PDE4D: variants seen among roughly 807,000 people sequenced by gnomAD.
PDE4D encodes the protein phosphodiesterase 4D, also known as 3',5'-cyclic-AMP phosphodiesterase 4D.
Under a neutral mutation model 87.4 loss-of-function variants are expected in PDE4D, and 24 were observed. The ratio of observed to expected loss-of-function variants is 0.27; its 90% CI spans 0.20 to 0.39. PDE4D has a LOEUF of 0.39. Ranked by LOEUF, PDE4D falls within the 10% of genes least tolerant of loss-of-function variation. The probability of loss-of-function intolerance (pLI) is 1.00; values close to 1 mark genes in which losing one functional copy is unlikely to be tolerated. For missense variants in PDE4D, 714 were observed against 1,041.0 expected (o/e 0.69, Z 4.32); for synonymous variants, 384 against 383.2 (o/e 1.00, Z -0.02).
intron 1 of PDE4D, among the ~76,000 whole-genome samples, chr5:59,574,071 TTTA>T (rs1179776213): frequency 0.014 from 239 of 17,560 alleles, 1 homozygote; most frequent in East Asian, 0.031. Context: ...AATATATATA[TTTA>T]TATATATATT....
chr5:60,173,250 G>A (rs578018292), intron 2 of PDE4D, among the ~76,000 whole-genome samples: 2,558 of 5,466 alleles, frequency 0.47, 40 homozygotes, highest in Admixed American at 0.48. Flanking sequence ...TACTAGTTGT[G>A]CATCTTGGCT....
rs557951925 is a variant in PDE4D at position 59,817,930 on chromosome 5, T to C, written c.455+75238A>G. 6.6e-5 allele frequency among the ~76,000 whole-genome samples: 10 copies of C among 152,290 alleles called. No homozygotes were observed. The South Asian group carries it at 2.1e-3, about 32-fold the overall frequency. The stretch of plus-strand genomic sequence containing the variant: ...AAGCCACCCCATCTGGTGTTTTGCT[T>C]TGTAGCCTTGCTAACACTGTCAGGT... On this transcript the variant is annotated intron_variant, in intron 1 of 14. Coordinates refer to ENST00000340635, the MANE Select transcript of PDE4D (RefSeq NM_001104631.2).
chr5:59,179,131 C>G (rs929000292), intron 5 of PDE4D, among the ~76,000 whole-genome samples: 11 of 152,074 alleles, frequency 7.2e-5, no homozygotes, highest in Non-Finnish European at 1.5e-4. Context: ...TTTTTGGAGA[C>G]AGTCTTACTC....
intron 5 of PDE4D, among the ~76,000 whole-genome samples, chr5:59,156,304 T>A (rs1346547020): frequency 1.6e-5 from 1 of 61,684 alleles, no homozygotes; most frequent in Non-Finnish European, 3.4e-5. Flanking sequence ...ACTAGAGACT[T>A]GCCAGAAAAA....
intron 1 of PDE4D, among the ~76,000 whole-genome samples, chr5:59,585,264 G>A (rs578215487): frequency 1.1e-4 from 17 of 152,274 alleles, no homozygotes; most frequent in African/African-American, 3.9e-4. Context: ...GCTGAAAGCC[G>A]AAAACTCTGT....
At chr5:60,161,538 C>G (rs1314888396) in intron 2 of PDE4D, among the ~76,000 whole-genome samples, 1 of 152,052 alleles carries the variant, frequency 6.6e-6, no homozygotes, top group African/African-American at 2.4e-5. Context: ...ACTGCCCCAC[C>G]TAATGGCAAG....
At chr5:59,520,104 T>C (rs1243594784) in intron 1 of PDE4D, among the ~76,000 whole-genome samples, 1 of 151,978 alleles carries the variant, frequency 6.6e-6, no homozygotes, top group African/African-American at 2.4e-5. Flanking sequence ...CTACTCATAA[T>C]ACAAAAAAAT....
chr5:59,419,312 A>T (rs2702375), intron 1 of PDE4D, among the ~76,000 whole-genome samples: 5 of 152,010 alleles, frequency 3.3e-5, no homozygotes, highest in South Asian at 2.1e-4. Flanking sequence ...ATTTTTTTGA[A>T]GGCTAAGAAT....
intron 1 of PDE4D, among the ~76,000 whole-genome samples, chr5:59,747,694 C>T (rs1055675158): frequency 6.6e-6 from 1 of 152,108 alleles, no homozygotes; most frequent in Non-Finnish European, 1.5e-5. Flanking sequence ...CACTCTGAAA[C>T]CAGATCTATC....
intron 5 of PDE4D, among the ~76,000 whole-genome samples, chr5:59,100,284 A>G (rs2910642): frequency 0.36 from 54,626 of 151,972 alleles, 10,325 homozygotes; most frequent in East Asian, 0.71. Context: ...ATTCCTTGCC[A>G]TTTCCTCTGT....
intron 6 of PDE4D, among the ~76,000 whole-genome samples, chr5:58,999,180 T>A (rs1749899251): frequency 1.3e-5 from 2 of 152,160 alleles, no homozygotes; most frequent in Admixed American, 1.3e-4. Context: ...TATAAGTAAT[T>A]TGGCCCAATA....
intron 1 of PDE4D, among the ~76,000 whole-genome samples, chr5:60,497,614 G>A (rs956680901): frequency 6.6e-6 from 1 of 151,964 alleles, no homozygotes; most frequent in African/African-American, 2.4e-5. Flanking sequence ...ATGTTCCCCA[G>A]GCTGATCTCA....
intron 1 of PDE4D, among the ~76,000 whole-genome samples, chr5:59,412,309 C>G (rs1013477878): frequency 6.6e-6 from 1 of 152,164 alleles, no homozygotes; most frequent in Admixed American, 6.5e-5. Context: ...GTTACTTTCT[C>G]TTGTCACCAT....
intron 5 of PDE4D, among the ~76,000 whole-genome samples, chr5:59,059,248 G>A (rs377246453): frequency 4.0e-4 from 61 of 152,282 alleles, no homozygotes; most frequent in African/African-American, 1.4e-3. Flanking sequence ...CTCTGTGGTT[G>A]CTCATTCTCC....
At chr5:59,840,944 T>G (rs983834578) in intron 1 of PDE4D, among the ~76,000 whole-genome samples, 1 of 152,030 alleles carries the variant, frequency 6.6e-6, no homozygotes, top group African/African-American at 2.4e-5. Context: ...CTTCACTCAA[T>G]GAAAGAATCA....
intron 2 of PDE4D, among the ~76,000 whole-genome samples, chr5:60,087,623 G>A (rs1774675067): frequency 6.6e-6 from 1 of 151,836 alleles, no homozygotes. Flanking sequence ...TCCATAGAAA[G>A]CTTCAATAGC....
intron 1 of PDE4D, among the ~76,000 whole-genome samples, chr5:59,431,181 T>G (rs750227623): frequency 6.6e-6 from 1 of 152,168 alleles, no homozygotes; most frequent in Non-Finnish European, 1.5e-5. Context: ...GAATCATTGA[T>G]AGTGAATGTT....
intron 5 of PDE4D, among the ~76,000 whole-genome samples, chr5:59,098,045 CA>C (rs1770054965): frequency 6.6e-6 from 1 of 152,170 alleles, no homozygotes; most frequent in South Asian, 2.1e-4. Flanking sequence ...CCCAAATTCC[CA>C]ACTTCCAATA....
chr5:60,421,000 T>C (rs1743043659), intron 1 of PDE4D, among the ~76,000 whole-genome samples: 1 of 152,188 alleles, frequency 6.6e-6, no homozygotes, highest in Non-Finnish European at 1.5e-5. Flanking sequence ...TCACCATTGC[T>C]GAGGCTTAAG....
Sources: gnomAD v4.1 joint callset for allele counts (sites outside exome capture counted in the v4.1 genomes callset) on GRCh38, gnomAD v4.1.1 for gene constraint, MANE v1.5 for transcripts, NCBI Gene and HGNC (gene_info 2026-07-23, HGNC 2026-07-21) for gene names.